FLT3: variants seen among roughly 807,000 people sequenced by gnomAD.
The protein encoded by FLT3 is receptor-type tyrosine-protein kinase FLT3.
In FLT3, 46 loss-of-function variants were observed where a neutral mutation model predicts 126.6. The ratio of observed to expected loss-of-function variants is 0.36; its 90% confidence interval spans 0.29 to 0.46. The LOEUF is 0.46. FLT3 is among the 20% of genes least tolerant of loss of function. FLT3 has a pLI of 1.00. For missense variants in FLT3, 1,069 were observed against 1,190.3 expected (o/e 0.90, Z 1.50); for synonymous variants, 404 against 434.4 (o/e 0.93, Z 0.87).
At chr13:28,024,276 C>T (rs534969464) in intron 18 of FLT3, among the ~76,000 whole-genome samples, 27 of 152,126 alleles carry the variant, frequency 1.8e-4, no homozygotes, top group African/African-American at 5.8e-4. Context: ...GGATTGCAGG[C>T]GTGCACCACC....
In FLT3 at chr13:28,006,351, C is replaced by G. The variant is rs1161130604; in HGVS notation, c.2860-2177G>C. The stretch of plus-strand genomic sequence containing the variant: ...GTGTGTGTGTGTGTGTATCCTTTGA[C>G]CCAAAATATATCCATTGTGAACCAG... On this transcript the variant is annotated intron_variant, in intron 23 of 23. Transcript: ENST00000241453. Among the ~76,000 whole-genome samples the G allele has an allele frequency of 2.0e-5, 3 of 149,366 alleles. No individual in the cohort carries two copies. In the East Asian group the frequency reaches 5.9e-4, roughly 29 times the overall value.
At position 28,045,963 on chromosome 13, in the gene FLT3, G is replaced by T. The variant is rs148667026; in HGVS notation, c.1205+2312C>A. Among the ~76,000 whole-genome samples the T allele has an allele frequency of 7.8e-3, 1,172 of 149,784 alleles. 19 individuals are homozygous for T. The highest frequency in any genetic ancestry group is 0.027 in the African/African-American group (1,116 of 40,878). On this transcript the variant is annotated intron_variant, in intron 9 of 23. Transcript: ENST00000241453. Reference sequence around the variant, plus strand: ...AAAAAAAAAAAAAAAAATGCCAGGGGTTATTTTTCTCAATTTGGCAGTGTC... The same window carrying T: ...AAAAAAAAAAAAAAAAATGCCAGGGTTTATTTTTCTCAATTTGGCAGTGTC...
chr13:28,026,950 G>C lies in FLT3; in HGVS notation c.2207+138C>G, dbSNP rs111545794. 131 of 720,800 alleles carry C rather than the reference G, an allele frequency of 1.8e-4. 2 individuals are homozygous for C. In the African/African-American group the frequency reaches 2.0e-3, roughly 11 times the overall value. 44.7% of individuals were successfully genotyped at this position (720,800 alleles called of 1,614,324 possible). On this transcript the variant is annotated intron_variant, in intron 17 of 23. Transcript: ENST00000241453. ...ATGTCAACAGGGAAACTATAGCAAA[G>C]ATTCAGGAAATCTCTAGGTTGCAGG...
intron 1 of FLT3, among the ~76,000 whole-genome samples, chr13:28,092,915 CTTT>C (rs780584936): frequency 2.2e-5 from 2 of 89,826 alleles, no homozygotes; most frequent in African/African-American, 5.1e-5. Context: ...CCAGAGACTA[CTTT>C]TTTTTTTTTT....
At chr13:28,023,276 A>G (rs1017497469) in intron 19 of FLT3, 74 bp downstream of exon 19, 24 of 1,476,276 alleles carry the variant, frequency 1.6e-5, no homozygotes, top group Middle Eastern at 2.0e-4. Context: ...AAGTTAAAAT[A>G]AACAAGAAAA....
rs772714284 is a variant in FLT3, at chr13:28,023,395, A to C, written c.2373T>G (p.Phe791Leu). Reference sequence around the variant, plus strand: ...CCATTCCTTTGGCAACTTGATATGCAAAGCAAAGAAGATCTTCAAATGTAA... The same window carrying C: ...CCATTCCTTTGGCAACTTGATATGCCAAGCAAAGAAGATCTTCAAATGTAA... ...NVLTFEDLLC[F>L]AYQVAKGMEF... The change falls in exon 19 of 24, where the codon TTT becomes TTG. Residue 791 changes from phenylalanine (F) to leucine (L), a missense_variant. Coordinates refer to ENST00000241453, the MANE Select transcript of FLT3 (RefSeq NM_004119.3). The C allele has an allele frequency of 1.2e-6, 2 of 1,613,922 alleles. No homozygotes were observed.
chr13:28,025,450 C>A, intron 17 of FLT3: 1 of 437,474 alleles, frequency 2.3e-6, no homozygotes, highest in Non-Finnish European at 4.5e-6. Flanking sequence ...ATACAAATCT[C>A]TTTTAAGGTA....
intron 1 of FLT3, among the ~76,000 whole-genome samples, chr13:28,089,811 T>G (rs1415759640): frequency 1.3e-5 from 2 of 151,404 alleles, no homozygotes; most frequent in Non-Finnish European, 2.9e-5. Context: ...CTTGGCTCAC[T>G]GCAACCTCCA....
At chr13:28,084,973 TAAAAAA>T (rs59333724) in intron 1 of FLT3, among the ~76,000 whole-genome samples, 2 of 133,274 alleles carry the variant, frequency 1.5e-5, no homozygotes. Flanking sequence ...AGCCTTCCTC[TAAAAAA>T]AAAAAAAAAA....
chr13:28,055,569 C>G (rs1875931247), intron 4 of FLT3, among the ~76,000 whole-genome samples: 1 of 152,214 alleles, frequency 6.6e-6, no homozygotes, highest in Non-Finnish European at 1.5e-5. Context: ...ACCCTTTCCT[C>G]TTTTTCACAC....
intron 19 of FLT3, among the ~76,000 whole-genome samples, chr13:28,021,500 G>A (rs1872383576): frequency 6.6e-6 from 1 of 152,174 alleles, no homozygotes. Context: ...ACAGCAGGTG[G>A]GGAAAATGAA....
In FLT3 at chr13:28,034,417, AAG is replaced by A. The variant is rs1873650515; in HGVS notation, c.1598-12_1598-11del. 3 of 1,583,620 alleles carry A rather than the reference AAG, an allele frequency of 1.9e-6. No individual in the cohort carries two copies. The highest frequency in any genetic ancestry group is 1.7e-4 in the Middle Eastern group (1 of 6,016). On this transcript the variant is annotated splice_polypyrimidine_tract_variant and intron_variant, in intron 12 of 23. Transcript: ENST00000241453. ...ATGAAAGGGAAGGGGCCTGCAACAA[AAG>A]AGTGTCACTCAGCGATGAAACAGAA...
At chr13:28,032,844 A>G (rs1449371981) in intron 15 of FLT3, among the ~76,000 whole-genome samples, 2 of 152,220 alleles carry the variant, frequency 1.3e-5, no homozygotes, top group African/African-American at 2.4e-5. Context: ...CAATCAAGTA[A>G]TGAGGACTGA....
intron 17 of FLT3, among the ~76,000 whole-genome samples, 169 bp downstream of exon 17, chr13:28,026,919 C>T (rs1267165926): frequency 2.0e-5 from 3 of 152,164 alleles, no homozygotes; most frequent in Non-Finnish European, 4.4e-5. Context: ...GGACAGGACT[C>T]GTTCCATGTC....
At chr13:28,008,734 C>T (rs1310853830) in intron 23 of FLT3, among the ~76,000 whole-genome samples, 1 of 152,142 alleles carries the variant, frequency 6.6e-6, no homozygotes. Flanking sequence ...TCGCCTCAGA[C>T]TCCCAAAGTG....
rs542830401 is a variant in FLT3, at chr13:28,064,606, T to C, written c.166-2537A>G. ...AAAAAAAGAATGGCCCTCAAGCATA[T>C]GAGAAAATATTAAACCTACTTATAA... On this transcript the variant is annotated intron_variant, in intron 2 of 23. Transcript: ENST00000241453. 6.6e-5 allele frequency among the ~76,000 whole-genome samples: 10 copies of C among 152,222 alleles called. No homozygotes were observed. The East Asian group carries it at 1.9e-3, about 29-fold the overall frequency.
rs2137652606 is a variant in FLT3, at chr13:28,027,228, C to A, written c.2067G>T (p.Leu689Phe). 1 of 1,610,084 alleles carries A rather than the reference C, an allele frequency of 6.2e-7. No homozygotes were observed. Among genetic ancestry groups the A allele is most frequent in the South Asian group, 1.1e-5 (1 of 90,088 alleles). Reference protein sequence around the residue: ...GACTLSGPIYLIFEYCCYGDL... With the variant: ...GACTLSGPIYFIFEYCCYGDL... ...CACCATAGCAACAGTATTCAAAAAT[C>A]AAGTAAATTGGTCCTGAAATAGTTA... The change falls in exon 17 of 24, where the codon TTG becomes TTT. Residue 689 changes from leucine to phenylalanine, a missense_variant. Leu to Phe is a conservative substitution (Grantham distance 22, BLOSUM62 0). Coordinates refer to ENST00000241453, the MANE Select transcript of FLT3 (RefSeq NM_004119.3).
rs1338825293 is a variant in FLT3 at position 28,049,748 on chromosome 13, A to G, written c.769T>C (p.Leu257=). 6.2e-7 allele frequency: 1 copy of G among 1,613,976 alleles called. No homozygotes were observed. The highest frequency in any genetic ancestry group is 1.3e-5 in the African/African-American group (1 of 74,916). ...CCTACTTTAAGAAATAATTGTGGCAATGTGGTCTGAGGAGTTTGATTTAGA... is the reference window on the plus strand; with the variant it reads ...CCTACTTTAAGAAATAATTGTGGCAGTGTGGTCTGAGGAGTTTGATTTAGA... ...IDLNQTPQTT[L]PQLFLKVGEP... is the part of the protein sequence containing the mutation. Residue 257 remains leucine, a synonymous_variant, in exon 7 of 24, where the codon TTG becomes CTG. Transcript: ENST00000241453.
In FLT3 at chr13:28,015,142, C is replaced by G. The variant is rs372671564; in HGVS notation, c.2753+15G>C. ...TTTCTGATTTCAACCAAATTACAGTCTGACTTGAACTTACATTTCTTCTGT... is the reference window on the plus strand; with the variant it reads ...TTTCTGATTTCAACCAAATTACAGTGTGACTTGAACTTACATTTCTTCTGT... On this transcript the variant is annotated intron_variant, in intron 22 of 23. Coordinates refer to ENST00000241453, the MANE Select transcript of FLT3 (RefSeq NM_004119.3). 6.7e-5 allele frequency: 99 copies of G among 1,488,298 alleles called. No homozygotes were observed. The East Asian group carries it at 6.8e-4, about 10-fold the overall frequency. The allele number at this position is 1,488,298 out of a possible 1,614,324, so 92.2% of individuals were successfully genotyped here.
Sources: gnomAD v4.1 joint callset for allele counts (sites outside exome capture counted in the v4.1 genomes callset) on GRCh38, gnomAD v4.1.1 for gene constraint, MANE v1.5 for transcripts, NCBI Gene and HGNC (gene_info 2026-07-23, HGNC 2026-07-21) for gene names.